Variants in PRB2 observed in about 807,000 individuals in gnomAD.
PRB2 encodes basic salivary proline-rich protein 2.
Under a neutral mutation model 8.3 loss-of-function variants are expected in PRB2, and 12 were observed. That is an observed-to-expected ratio of 1.45 (90% confidence interval 0.93 to 2.35). The LOEUF is 2.35. Among genes scored for constraint, PRB2 ranks in the 30% most tolerant of loss-of-function variants. The pLI, the probability that PRB2 is intolerant of heterozygous loss-of-function variation, is 0.00. For missense variants in PRB2, 470 were observed against 507.0 expected, an observed-to-expected ratio of 0.93 and a Z score of 0.70; for synonymous variants, 146 against 180.0, an observed-to-expected ratio of 0.81 and a Z score of 1.51.
At position 11,394,475 on chromosome 12, in the gene PRB2, G is replaced by A. The variant is rs1362446179; in HGVS notation, c.100+20C>T. ...CAGAAAAAGACAGTCAGAACAGATT[G>A]AGAATGAATCGGGATTTACCTGCTA... On this transcript the variant is annotated intron_variant, in intron 2 of 3. Transcript: ENST00000389362. 1.2e-6 allele frequency: 2 copies of A among 1,610,798 alleles called. No homozygotes were observed. Among genetic ancestry groups the A allele is most frequent in the African/African-American group, 2.7e-5 (2 of 74,882 alleles).
intron 1 of PRB2, among the ~76,000 whole-genome samples, chr12:11,395,019 C>T (rs899271897): frequency 2.0e-5 from 3 of 152,086 alleles, no homozygotes; most frequent in African/African-American, 7.2e-5. Flanking sequence ...TCTAGTTAAA[C>T]AGAGACAAGT....
intron 2 of PRB2, 45 bp from the exon 3 acceptor site, chr12:11,394,022 C>T: frequency 6.2e-7 from 1 of 1,611,750 alleles, no homozygotes; most frequent in Non-Finnish European, 8.5e-7. Context: ...AAAGCCCATA[C>T]AAGATTCCCT....
intron 1 of PRB2, 122 bp downstream of exon 1, chr12:11,395,344 C>T: frequency 8.2e-7 from 1 of 1,217,044 alleles, no homozygotes; most frequent in Non-Finnish European, 1.2e-6. Flanking sequence ...GTCTCCTGAT[C>T]CTAGGCATGA....
chr12:11,393,025 T>C lies in PRB2; in HGVS notation c.1053A>G (p.Gln351=). The part of the protein sequence containing the change: ...PPGKPQGPPP[Q]GGSKSRSARS... ...GGGCACTTCGGGACTTGCTGCCTCCTTGTGGGGGTGGTCCTTGTGGCTTTC... is the reference window on the plus strand; with the variant it reads ...GGGCACTTCGGGACTTGCTGCCTCCCTGTGGGGGTGGTCCTTGTGGCTTTC... Residue 351 remains glutamine (Q), a synonymous_variant, in exon 3 of 4, where the codon CAA becomes CAG. Coordinates refer to ENST00000389362, the MANE Select transcript of PRB2 (RefSeq NM_006248.4). 6.2e-7 allele frequency: 1 copy of C among 1,609,092 alleles called. No homozygotes were observed. Among genetic ancestry groups the C allele is most frequent in the Non-Finnish European group, 8.5e-7 (1 of 1,178,116 alleles).
At chr12:11,394,347 G>T in intron 2 of PRB2, 148 bp downstream of exon 2, 3 of 1,036,358 alleles carry the variant, frequency 2.9e-6, no homozygotes, top group Non-Finnish European at 2.9e-6. Flanking sequence ...CCAGAATCAA[G>T]GTTGCATGAA....
rs999205093 is a variant in PRB2 at position 11,394,345 on chromosome 12, A to G, written c.100+150T>C. On this transcript the variant is annotated intron_variant, in intron 2 of 3. Coordinates refer to ENST00000389362, the MANE Select transcript of PRB2 (RefSeq NM_006248.4). ...TGGCCTGCTCATGATGCCCAGAATC[A>G]AGGTTGCATGAAGAGTGCCTATATT... The G allele has an allele frequency of 1.6e-5, 16 of 1,026,154 alleles. No homozygotes were observed. In the Admixed American group the frequency reaches 3.1e-4, roughly 20 times the overall value. 63.6% of individuals were successfully genotyped at this position (1,026,154 alleles called of 1,614,324 possible). A position where few individuals can be genotyped will look rare whatever the true frequency, so the allele number is the denominator to read the frequency against.
chr12:11,394,360 G>C (rs1415133024), intron 2 of PRB2, 135 bp downstream of exon 2: 34 of 1,130,828 alleles, frequency 3.0e-5, no homozygotes, highest in Middle Eastern at 2.0e-4. Context: ...TGCATGAAGA[G>C]TGCCTATATT....
At position 11,395,538 on chromosome 12, in the gene PRB2, AGGCTCT is replaced by A. The variant is rs1864396869; in HGVS notation, c.-15_-10del. 1 of 1,611,734 alleles carries A rather than the reference AGGCTCT, an allele frequency of 6.2e-7. No individual in the cohort carries two copies. The highest frequency in any genetic ancestry group is 8.5e-7 in the Non-Finnish European group (1 of 1,178,796). On this transcript the variant is annotated 5_prime_UTR_variant, in exon 1 of 4. Coordinates refer to ENST00000389362, the MANE Select transcript of PRB2 (RefSeq NM_006248.4). Reference sequence around the variant, plus strand: ...AGCAGAATCAACAGCATCTTGCAGGAGGCTCTGGAGTCACTCCCAACTCTGTGCTGG... The same window carrying A: ...AGCAGAATCAACAGCATCTTGCAGGAGGAGTCACTCCCAACTCTGTGCTGG...
chr12:11,393,954 G>C lies in PRB2; in HGVS notation c.124C>G (p.Gln42Glu), dbSNP rs773148009. 2 of 1,588,232 alleles carry C rather than the reference G, an allele frequency of 1.3e-6. No homozygotes were observed. The highest frequency in any genetic ancestry group is 1.3e-5 in the African/African-American group (1 of 74,074). Residue 42 changes from glutamine (Q) to glutamate (E), a missense_variant, in exon 3 of 4, where the codon CAA becomes GAA. Transcript: ENST00000389362. ...IAGNPQGAPP[Q>E]GGNKPQGPPS... ...GGACCTTGAGGTTTGTTGCCTCCTT[G>C]TGGGGGTGCTCCTTGTGGATTTCCT...
rs1164112574 is a variant in PRB2 at position 11,392,927 on chromosome 12, G to A, written c.1151C>T (p.Ala384Val). ...GNNPQGPPPPAGGNPQQPQAP... is the reference protein window; with the variant it reads ...GNNPQGPPPPVGGNPQQPQAP... ...CTGAGGCTGCTGGGGATTGCCTCCTGCTGGAGGTGGGGGACCTTGAGGATT... is the reference window on the plus strand; with the variant it reads ...CTGAGGCTGCTGGGGATTGCCTCCTACTGGAGGTGGGGGACCTTGAGGATT... Residue 384 changes from alanine (A) to valine (V), a missense_variant, in exon 3 of 4, where the codon GCA (alanine) becomes GTA (valine). Ala to Val is a moderately conservative substitution (Grantham distance 64). Coordinates refer to ENST00000389362, the MANE Select transcript of PRB2 (RefSeq NM_006248.4). The A allele has an allele frequency of 6.2e-7, 1 of 1,608,218 alleles. No homozygotes were observed. The highest frequency in any genetic ancestry group is 8.5e-7 in the Non-Finnish European group (1 of 1,178,380).
Position 11,393,353 on chromosome 12 carries a change from G to A in PRB2, c.725C>T (p.Pro242Leu). The change falls in exon 3 of 4, where the codon CCA becomes CTA. Residue 242 changes from proline (P) to leucine (L), a missense_variant. By Grantham distance (98) the Pro-to-Leu change is moderately conservative (BLOSUM62 -3). Transcript: ENST00000389362. ...GCCTCCTTGTGGGGGTGGTCCTTGT[G>A]GCTTTCCTGGAGGAGATCGGGCACT... is the stretch of plus-strand genomic sequence containing the variant. ...SQSARSPPGK[P>L]QGPPPQGGNQ... is the part of the protein sequence containing the mutation. The A allele has an allele frequency of 6.3e-7, 1 of 1,588,318 alleles. No homozygotes were observed. The highest frequency in any genetic ancestry group is 8.5e-7 in the Non-Finnish European group (1 of 1,174,276).
rs201639047 is a variant in PRB2, at chr12:11,395,216, C to CA, written c.64+249dup. On this transcript the variant is annotated intron_variant, in intron 1 of 3. Coordinates refer to ENST00000389362, the MANE Select transcript of PRB2 (RefSeq NM_006248.4). ...ATTCTCTACTGCATCCTTCACAGCACAGTTCTATCTATAAATGCAAATCTT... is the reference window on the plus strand; with the variant it reads ...ATTCTCTACTGCATCCTTCACAGCACAAGTTCTATCTATAAATGCAAATCTT... Among the ~76,000 whole-genome samples the CA allele has an allele frequency of 8.5e-3, 1,293 of 152,094 alleles. 16 individuals carry two copies. Among genetic ancestry groups the CA allele is most frequent in the African/African-American group, 0.029 (1,184 of 41,476 alleles).
rs765768373 is a variant in PRB2, at chr12:11,395,426, C to T, written c.64+40G>A. On this transcript the variant is annotated intron_variant, in intron 1 of 3. Transcript: ENST00000389362. ...AATTACCATTATCACCTCCTAAGCCCCAAGCAGAGTCACCACATCTTCTCC... is the reference window on the plus strand; with the variant it reads ...AATTACCATTATCACCTCCTAAGCCTCAAGCAGAGTCACCACATCTTCTCC... The T allele has an allele frequency of 1.9e-6, 3 of 1,612,900 alleles. No homozygotes were observed. In the East Asian group the frequency reaches 6.7e-5, roughly 36 times the overall value.
At position 11,393,005 on chromosome 12, in the gene PRB2, C is replaced by T; in HGVS notation, c.1073G>A (p.Ser358Asn). Reference protein sequence around the residue: ...PPPQGGSKSRSARSPPGKPQG... With the variant: ...PPPQGGSKSRNARSPPGKPQG... ...TGGCTTTCCTGGAGGAGATCGGGCACTTCGGGACTTGCTGCCTCCTTGTGG... is the reference window on the plus strand; with the variant it reads ...TGGCTTTCCTGGAGGAGATCGGGCATTTCGGGACTTGCTGCCTCCTTGTGG... The change falls in exon 3 of 4, where the codon AGT becomes AAT. Residue 358 changes from serine (S) to asparagine (N), a missense_variant. Coordinates refer to ENST00000389362, the MANE Select transcript of PRB2 (RefSeq NM_006248.4). 6.2e-7 allele frequency: 1 copy of T among 1,612,266 alleles called. No homozygotes were observed. The highest frequency in any genetic ancestry group is 8.5e-7 in the Non-Finnish European group (1 of 1,179,606).
At chr12:11,394,843 C>A (rs987707006) in intron 1 of PRB2, among the ~76,000 whole-genome samples, 5 of 152,072 alleles carry the variant, frequency 3.3e-5, no homozygotes, top group Non-Finnish European at 5.9e-5. Flanking sequence ...GTTCTTATGC[C>A]CTCCATCTCC....
intron 1 of PRB2, among the ~76,000 whole-genome samples, chr12:11,394,772 C>T (rs1028923908): frequency 1.3e-5 from 2 of 152,102 alleles, no homozygotes; most frequent in South Asian, 2.1e-4. Context: ...CCCTAGCATC[C>T]CTCAAGACTT....
chr12:11,395,367 C>A (rs1405631791), intron 1 of PRB2, 99 bp downstream of exon 1: 2 of 1,478,296 alleles, frequency 1.4e-6, no homozygotes, highest in East Asian at 4.5e-5. Context: ...ACTCTGCAGC[C>A]CCATCTGTGT....
rs199748368 is a variant in PRB2 at position 11,393,371 on chromosome 12, C to T, written c.707G>A (p.Arg236Gln). ...TCCTTGTGGCTTTCCTGGAGGAGATCGGGCACTTTGGGACTTGTTGTCTCC... is the reference window on the plus strand; with the variant it reads ...TCCTTGTGGCTTTCCTGGAGGAGATTGGGCACTTTGGGACTTGTTGTCTCC... ...PQGDNKSQSA[R>Q]SPPGKPQGPP... Residue 236 changes from arginine to glutamine, a missense_variant, in exon 3 of 4, where the codon CGA (arginine) becomes CAA (glutamine). Physicochemically the swap from Arg to Gln is conservative, Grantham distance 43. Around this residue, in one of 4 missense-constraint regions of PRB2, gnomAD observed 205 missense variants for 195.0 expected, o/e 1.05. Transcript: ENST00000389362. The T allele has an allele frequency of 6.7e-5, 106 of 1,582,272 alleles. 4 individuals are homozygous for T. The African/African-American group carries it at 1.2e-3, about 18-fold the overall frequency.
Position 11,394,080 on chromosome 12 carries a change from G to A in PRB2, c.101-103C>T, listed in dbSNP as rs1864369082. 10 of 1,456,828 alleles carry A rather than the reference G, an allele frequency of 6.9e-6. No homozygotes were observed. The Admixed American group carries it at 1.4e-4, about 21-fold the overall frequency. The allele number at this position is 1,456,828 out of a possible 1,614,324, so 90.2% of individuals were successfully genotyped here. On this transcript the variant is annotated intron_variant, in intron 2 of 3. Transcript: ENST00000389362. ...TCAGTTTGGGTAACAAGCTGAGTGGGGAAACACACAAAAATGAGACCAAGA... is the reference window on the plus strand; with the variant it reads ...TCAGTTTGGGTAACAAGCTGAGTGGAGAAACACACAAAAATGAGACCAAGA...
Sources: allele counts gnomAD v4.1 joint callset (sites outside exome capture counted in the v4.1 genomes callset), GRCh38; gene constraint gnomAD v4.1.1; regional missense constraint gnomAD v4.1.1; transcripts MANE v1.5; gene names NCBI Gene and HGNC (gene_info 2026-07-23, HGNC 2026-07-21).